Variants in CAMSAP2 observed in about 807,000 individuals in gnomAD.
CAMSAP2 encodes calmodulin regulated spectrin associated protein family member 2, also known as calmodulin-regulated spectrin-associated protein 2.
CAMSAP2 carries 26 observed loss-of-function variants against 146.1 expected under a neutral mutation model. The observed-to-expected ratio is 0.18, with a 90% CI of 0.13 to 0.25. The LOEUF is 0.25. Ranked by LOEUF, CAMSAP2 falls within the 10% of genes least tolerant of loss-of-function variation. The pLI is 1.00. For missense variants in CAMSAP2, 1,381 were observed against 1,759.3 expected (o/e 0.78, Z 3.85); for synonymous variants, 499 against 596.6 (o/e 0.84, Z 2.38).
At chr1:200,748,955 C>T (rs147012977) in intron 1 of CAMSAP2, among the ~76,000 whole-genome samples, 11 of 151,978 alleles carry the variant, frequency 7.2e-5, no homozygotes, top group African/African-American at 2.7e-4. Context: ...CCTCTAAGTG[C>T]GTGCCATACA....
At chr1:200,748,151 A>C (rs574403760) in intron 1 of CAMSAP2, among the ~76,000 whole-genome samples, 2 of 152,180 alleles carry the variant, frequency 1.3e-5, no homozygotes, top group Admixed American at 1.3e-4. Context: ...TCTCAAATAT[A>C]TACAATAACA....
intron 1 of CAMSAP2, among the ~76,000 whole-genome samples, chr1:200,746,150 G>A (rs1425796447): frequency 1.3e-5 from 2 of 152,176 alleles, no homozygotes; most frequent in African/African-American, 2.4e-5. Context: ...TAAAGTTTAT[G>A]TAATGTATAT....
intron 3 of CAMSAP2, among the ~76,000 whole-genome samples, chr1:200,807,867 A>C (rs1271712915): frequency 6.6e-6 from 1 of 151,652 alleles, no homozygotes; most frequent in African/African-American, 2.4e-5. Context: ...CGGCCTCCCA[A>C]GTAGCTGGGA....
intron 14 of CAMSAP2, 54 bp from the exon 15 acceptor site, chr1:200,855,956 G>T: frequency 8.3e-7 from 1 of 1,200,014 alleles, no homozygotes; most frequent in Non-Finnish European, 1.2e-6. Context: ...TATACCCTCT[G>T]GGCCCCATTT....
At chr1:200,813,201 C>T (rs766534992) in intron 3 of CAMSAP2, among the ~76,000 whole-genome samples, 2 of 152,186 alleles carry the variant, frequency 1.3e-5, no homozygotes, top group Non-Finnish European at 2.9e-5. Flanking sequence ...TGTGTCCTCA[C>T]GTGGCCGAAA....
chr1:200,817,181 C>CACACGTGTGTGTGTATACACACAT (rs1666599764), intron 4 of CAMSAP2, among the ~76,000 whole-genome samples: 1 of 53,770 alleles, frequency 1.9e-5, no homozygotes, highest in Non-Finnish European at 3.3e-5. Context: ...TGTATATACA[C>CACACGTGTGTGTGTATACACACAT]ACACACACAT....
At chr1:200,795,650 T>C (rs1375218908) in intron 2 of CAMSAP2, among the ~76,000 whole-genome samples, 2 of 152,218 alleles carry the variant, frequency 1.3e-5, no homozygotes, top group Non-Finnish European at 2.9e-5. Flanking sequence ...CTATACTCTT[T>C]CTTATATATA....
At chr1:200,839,997 A>C (rs944019228) in intron 6 of CAMSAP2, among the ~76,000 whole-genome samples, 1 of 152,182 alleles carries the variant, frequency 6.6e-6, no homozygotes, top group South Asian at 2.1e-4. Context: ...ATGTATCTGT[A>C]TATCAACATT....
chr1:200,784,357 A>T (rs944189301), intron 2 of CAMSAP2, among the ~76,000 whole-genome samples: 7 of 152,146 alleles, frequency 4.6e-5, no homozygotes, highest in African/African-American at 7.2e-5. Context: ...TGTTGAATCT[A>T]TAGACCATTT....
rs1664092366 is a variant in CAMSAP2 at position 200,739,687 on chromosome 1, C to A, written c.-141C>A. The A allele has an allele frequency of 5.4e-6, 4 of 735,942 alleles. No homozygotes were observed. The highest frequency in any genetic ancestry group is 7.7e-6 in the Non-Finnish European group (4 of 520,894). The allele number at this position is 735,942 out of a possible 1,614,324, so 45.6% of individuals were successfully genotyped here. A position where few individuals can be genotyped will look rare whatever the true frequency, so the allele number is the denominator to read the frequency against. The stretch of plus-strand genomic sequence containing the variant: ...GCGCGCGGCGCGGACAGCTGAGCTT[C>A]TCCTCCGTCGGCGCCCGGGCGGACA... On this transcript the variant is annotated 5_prime_UTR_variant, in exon 1 of 17. Transcript: ENST00000358823. The surrounding 1 kb of genome is among the most constrained non-coding windows in gnomAD (Gnocchi z 4.8).
intron 6 of CAMSAP2, among the ~76,000 whole-genome samples, chr1:200,840,556 G>T (rs995871779): frequency 7.9e-5 from 12 of 152,094 alleles, no homozygotes; most frequent in African/African-American, 2.7e-4. Flanking sequence ...GAGCCACTGC[G>T]CCCAGCCTCT....
chr1:200,779,864 G>A (rs1295398004), intron 2 of CAMSAP2, among the ~76,000 whole-genome samples: 1 of 151,946 alleles, frequency 6.6e-6, no homozygotes, highest in Non-Finnish European at 1.5e-5. Context: ...TGATCTTATA[G>A]ATTTTTCATA....
chr1:200,858,016 A>G lies in CAMSAP2; in HGVS notation c.4394A>G (p.Lys1465Arg). 1 of 1,606,468 alleles carries G rather than the reference A, an allele frequency of 6.2e-7. No individual in the cohort carries two copies. Among genetic ancestry groups the G allele is most frequent in the South Asian group, 1.1e-5 (1 of 89,110 alleles). ...ATTCATAGCCATTTATGGCAGACCA[A>G]AAGACCAGTAACACCCAAAAAACTT... is the stretch of plus-strand genomic sequence containing the variant. ...ITIHSHLWQTKRPVTPKKLLP... is the reference protein window; with the variant it reads ...ITIHSHLWQTRRPVTPKKLLP... Residue 1465 changes from lysine to arginine, a missense_variant, in exon 17 of 17, where the codon AAA becomes AGA. Transcript: ENST00000358823.
rs375906378 is a variant in CAMSAP2 at position 200,832,721 on chromosome 1, A to C, written c.803A>C (p.Glu268Ala). 28 of 1,599,012 alleles carry C rather than the reference A, an allele frequency of 1.8e-5. No individual in the cohort carries two copies. The Admixed American group carries it at 5.0e-4, about 28-fold the overall frequency. ...VVRLEDICLKETMSLADSLYN... is the reference protein window; with the variant it reads ...VVRLEDICLKATMSLADSLYN... ...TTATTTGAAGATATTTGTTTGAAAG[A>C]AACTATGTCTTTGGCTGATAGCCTG... is the stretch of plus-strand genomic sequence containing the variant. Residue 268 changes from glutamate to alanine, a missense_variant, in exon 6 of 17, where the codon GAA becomes GCA. Around this residue, in one of 4 missense-constraint regions of CAMSAP2, gnomAD observed 284 missense variants for 406.9 expected, o/e 0.70. Transcript: ENST00000358823. The surrounding 1 kb of genome is among the most constrained non-coding windows in gnomAD (Gnocchi z 4.2).
At chr1:200,809,890 GCAGCACAGGGCAT>G (rs1666280882) in intron 3 of CAMSAP2, among the ~76,000 whole-genome samples, 1 of 152,140 alleles carries the variant, frequency 6.6e-6, no homozygotes, top group Admixed American at 6.5e-5. Context: ...GAGTCCTGAG[GCAGCACAGGGCAT>G]CATCACATGT....
chr1:200,797,937 C>T (rs1665930527), intron 2 of CAMSAP2, among the ~76,000 whole-genome samples: 1 of 151,996 alleles, frequency 6.6e-6, no homozygotes, highest in South Asian at 2.1e-4. Context: ...GAATCCTTTC[C>T]CCATTGCATG....
intron 2 of CAMSAP2, among the ~76,000 whole-genome samples, chr1:200,763,855 C>A (rs753582653): frequency 6.6e-6 from 1 of 152,106 alleles, no homozygotes; most frequent in Admixed American, 6.5e-5. Context: ...GAGGGTGGAT[C>A]ATGAGGCTAG....
intron 10 of CAMSAP2, 51 bp from the exon 11 acceptor site, chr1:200,847,981 A>G (rs1281717410): frequency 2.4e-6 from 3 of 1,249,380 alleles, no homozygotes; most frequent in Non-Finnish European, 2.2e-6. Context: ...AATGATACTA[A>G]AAATCATTTC....
In CAMSAP2 at chr1:200,857,327, C is replaced by T; in HGVS notation, c.4034C>T (p.Pro1345Leu). 1 of 1,612,236 alleles carries T rather than the reference C, an allele frequency of 6.2e-7. No homozygotes were observed. Among genetic ancestry groups the T allele is most frequent in the Non-Finnish European group, 8.5e-7 (1 of 1,178,642 alleles). ...EYTGPKLYKE[P>L]SAKSNKHIIQ... is the part of the protein sequence containing the mutation. ...ATAGGACCAAAGCTCTACAAAGAAC[C>T]CAGTGCAAAATCCAATAAGCACATA... The change falls in exon 16 of 17, where the codon CCC becomes CTC. Residue 1345 changes from proline to leucine, a missense_variant. By Grantham distance (98) the Pro-to-Leu change is moderately conservative (BLOSUM62 -3). Coordinates refer to ENST00000358823, the MANE Select transcript of CAMSAP2 (RefSeq NM_203459.4). The surrounding 1 kb of genome is among the most constrained non-coding windows in gnomAD (Gnocchi z 4.7).
Sources: gnomAD v4.1 joint callset for allele counts (sites outside exome capture counted in the v4.1 genomes callset) on GRCh38, gnomAD v4.1.1 for gene constraint, gnomAD v4.1.1 regional missense constraint, Gnocchi (gnomAD v3.1) non-coding constraint, MANE v1.5 for transcripts, NCBI Gene and HGNC (gene_info 2026-07-23, HGNC 2026-07-21) for gene names.